ZNF831: variants seen among roughly 807,000 people sequenced by gnomAD.
The protein encoded by ZNF831 is chromosome 20 open reading frame 174.
ZNF831 carries 59 observed loss-of-function variants against 95.8 expected under a neutral mutation model. The ratio of observed to expected loss-of-function variants is 0.62; its 90% CI spans 0.50 to 0.77. The LOEUF (loss-of-function observed/expected upper bound fraction) is 0.77. Ranked by LOEUF, ZNF831 falls within the 30% of genes least tolerant of loss-of-function variation. ZNF831 has a pLI of 0.00. For missense variants in ZNF831, 2,205 were observed against 2,164.0 expected (o/e 1.02, Z -0.38); for synonymous variants, 961 against 925.5 (o/e 1.04, Z -0.70).
In ZNF831 at chr20:59,240,797, G is replaced by A. The variant is rs987467779; in HGVS notation, c.4028-12181G>A. Among the ~76,000 whole-genome samples, 11 of 152,040 alleles carry A rather than the reference G, an allele frequency of 7.2e-5. No individual in the cohort carries two copies. The South Asian group carries it at 8.3e-4, about 11-fold the overall frequency. ...AGCCTGGGCGACAGAGCGAGCCTCC[G>A]TCTCAAAAAATAAATAAATAAATAA... On this transcript the variant is annotated intron_variant, in intron 4 of 5. Transcript: ENST00000371030.
At chr20:59,143,155 T>C (rs191502272) in intron 1 of ZNF831, among the ~76,000 whole-genome samples, 31 of 152,298 alleles carry the variant, frequency 2.0e-4, no homozygotes, top group Non-Finnish European at 4.3e-4. Context: ...CACCTTGGCC[T>C]CCCAAAGTGC....
intron 3 of ZNF831, among the ~76,000 whole-genome samples, chr20:59,201,511 G>A (rs768404104): frequency 3.3e-5 from 5 of 151,876 alleles, no homozygotes; most frequent in Admixed American, 6.6e-5. Flanking sequence ...TTTTTGTTAT[G>A]TTTTTAGTGT....
chr20:59,139,674 G>A (rs1464508432), intron 1 of ZNF831, among the ~76,000 whole-genome samples: 1 of 152,184 alleles, frequency 6.6e-6, no homozygotes, highest in Non-Finnish European at 1.5e-5. Flanking sequence ...GAGGACTGGA[G>A]CAAGTCAAAT....
chr20:59,234,902 T>G (rs1986916755), intron 4 of ZNF831, among the ~76,000 whole-genome samples: 1 of 152,230 alleles, frequency 6.6e-6, no homozygotes, highest in Non-Finnish European at 1.5e-5. Flanking sequence ...TTTTTACAAT[T>G]AATGACCCAT....
rs1163997065 is a variant in ZNF831 at position 59,153,744 on chromosome 20, G to A, written c.-1280-5908G>A. On this transcript the variant is annotated intron_variant, in intron 2 of 7. Transcript: ENST00000637017. The stretch of plus-strand genomic sequence containing the variant: ...AATTACTGTCCTGCTACTTTGTACT[G>A]TAGCAAACTCTTTGAAAAAGCCACA... Among the ~76,000 whole-genome samples, 3 of 152,244 alleles carry A rather than the reference G, an allele frequency of 2.0e-5. No individual in the cohort carries two copies. In the East Asian group the frequency reaches 5.8e-4, roughly 29 times the overall value.
chr20:59,254,302 C>G lies in ZNF831; in HGVS notation c.4593C>G (p.Ser1531Arg), dbSNP rs2146767500. The change falls in exon 6 of 6, where the codon AGC (serine) becomes AGG (arginine). Residue 1531 changes from serine to arginine, a missense_variant. Transcript: ENST00000371030. This position sits in a 1 kb window ranked among gnomAD's most constrained non-coding sequence, Gnocchi z 4.5. ...GRTLTSSSPD[S>R]KVTEEGRAQT... is the part of the protein sequence containing the mutation. ...CTCTGACATCAAGCTCCCCAGACAG[C>G]AAAGTCACAGAAGAGGGCAGAGCAC... The G allele has an allele frequency of 6.2e-7, 1 of 1,614,074 alleles. No individual in the cohort carries two copies. The highest frequency in any genetic ancestry group is 8.5e-7 in the Non-Finnish European group (1 of 1,179,996).
intron 4 of ZNF831, among the ~76,000 whole-genome samples, chr20:59,229,395 A>G (rs1261876889): frequency 6.6e-6 from 1 of 152,188 alleles, no homozygotes; most frequent in Non-Finnish European, 1.5e-5. Flanking sequence ...CTGCTGGCCA[A>G]GGAGAGTCAC....
Position 59,193,716 on chromosome 20 carries a change from A to G in ZNF831, c.2697A>G (p.Pro899=), listed in dbSNP as rs2146588108. Residue 899 remains proline (P), a synonymous_variant, in exon 2 of 6, where the codon CCA becomes CCG. Transcript: ENST00000371030. ...CTGTTGCCCTGAAGAGGGTGGGGCC[A>G]AGGGACAAGGCTACCCCACTGCATC... The part of the protein sequence containing the change: ...AASVALKRVG[P]RDKATPLHPA... 1 of 1,612,278 alleles carries G rather than the reference A, an allele frequency of 6.2e-7. No individual in the cohort carries two copies. The highest frequency in any genetic ancestry group is 8.5e-7 in the Non-Finnish European group (1 of 1,179,276).
chr20:59,177,599 T>C (rs186117894), intron 1 of ZNF831, among the ~76,000 whole-genome samples: 2 of 152,256 alleles, frequency 1.3e-5, no homozygotes, highest in East Asian at 3.9e-4. Context: ...TGAAAGAGCT[T>C]GTGTTATGGA....
chr20:59,219,801 A>G (rs1985957443), intron 4 of ZNF831, among the ~76,000 whole-genome samples: 2 of 152,210 alleles, frequency 1.3e-5, no homozygotes, highest in African/African-American at 2.4e-5. Flanking sequence ...TTCCCTTAGC[A>G]ATCACTAATA....
chr20:59,129,818 C>T (rs891466862), intron 1 of ZNF831, among the ~76,000 whole-genome samples: 1 of 152,228 alleles, frequency 6.6e-6, no homozygotes, highest in Non-Finnish European at 1.5e-5. Context: ...TTTCATTTCA[C>T]TCAGCACAAA....
rs1568805095 is a variant in ZNF831, at chr20:59,257,611, T to G, written c.*2868T>G. ...TGATAACTACCACAGTTTTATACTC[T>G]GCAAGTGTGTACTGCATGATGGTTA... On this transcript the variant is annotated 3_prime_UTR_variant, in exon 6 of 6. Coordinates refer to ENST00000371030, the MANE Select transcript of ZNF831 (RefSeq NM_178457.3). 1 of 152,244 alleles carries G rather than the reference T, an allele frequency of 6.6e-6. No homozygotes were observed. The highest frequency in any genetic ancestry group is 1.5e-5 in the Non-Finnish European group (1 of 68,034). The allele number at this position is 152,244 out of a possible 1,614,324, so 9.4% of individuals were successfully genotyped here.
chr20:59,166,270 A>G (rs1029406612), intron 1 of ZNF831, among the ~76,000 whole-genome samples: 1 of 152,200 alleles, frequency 6.6e-6, no homozygotes, highest in South Asian at 2.1e-4. Flanking sequence ...TTCTAGATAC[A>G]CTATGGATGC....
chr20:59,190,929 A>G, intron 1 of ZNF831, 55 bp from the exon 2 acceptor site: 2 of 1,421,102 alleles, frequency 1.4e-6, no homozygotes, highest in Non-Finnish European at 1.8e-6. Context: ...GGCAAGATTT[A>G]CTGCATGAGG....
Position 59,194,174 on chromosome 20 carries a change from C to T in ZNF831, c.3155C>T (p.Thr1052Ile). 1.3e-6 allele frequency: 2 copies of T among 1,590,332 alleles called. No homozygotes were observed. The highest frequency in any genetic ancestry group is 1.7e-6 in the Non-Finnish European group (2 of 1,166,862). Reference sequence around the variant, plus strand: ...GCACCAGGGGCTCCCAGGGAGGCTACCTCCTCCCCGCCCACTCCAACGTGT... The same window carrying T: ...GCACCAGGGGCTCCCAGGGAGGCTATCTCCTCCCCGCCCACTCCAACGTGT... Reference protein sequence around the residue: ...ISAPGAPREATSSPPTPTCEA... With the variant: ...ISAPGAPREAISSPPTPTCEA... The change falls in exon 2 of 6, where the codon ACC (threonine) becomes ATC (isoleucine). Residue 1052 changes from threonine (T) to isoleucine (I), a missense_variant. Thr to Ile is a moderately conservative substitution (Grantham distance 89, BLOSUM62 -1). Coordinates refer to ENST00000371030, the MANE Select transcript of ZNF831 (RefSeq NM_178457.3).
intron 3 of ZNF831, among the ~76,000 whole-genome samples, chr20:59,205,312 A>G (rs1984815398): frequency 6.6e-6 from 1 of 151,972 alleles, no homozygotes; most frequent in Non-Finnish European, 1.5e-5. Flanking sequence ...GTCGCTCCCC[A>G]CCCTGGCTCA....
At chr20:59,181,678 A>G (rs1369546783) in intron 1 of ZNF831, among the ~76,000 whole-genome samples, 1 of 151,948 alleles carries the variant, frequency 6.6e-6, no homozygotes, top group African/African-American at 2.4e-5. Context: ...AGATGGTTGT[A>G]GATGTGTGGT....
chr20:59,149,491 C>T (rs192249384), intron 2 of ZNF831, among the ~76,000 whole-genome samples: 4 of 152,294 alleles, frequency 2.6e-5, no homozygotes, highest in African/African-American at 9.6e-5. Flanking sequence ...TTACTTTTTG[C>T]ATTGTATCTT....
chr20:59,194,731 G>C lies in ZNF831; in HGVS notation c.3712G>C (p.Glu1238Gln), dbSNP rs1406122360. The C allele has an allele frequency of 6.3e-7, 1 of 1,580,862 alleles. No individual in the cohort carries two copies. Among genetic ancestry groups the C allele is most frequent in the Non-Finnish European group, 8.6e-7 (1 of 1,165,480 alleles). Reference sequence around the variant, plus strand: ...AGGATGGACCTGGACAAGCCCTGGAGAAGGAGGGCCGGCGCAGATGTCCAA... The same window carrying C: ...AGGATGGACCTGGACAAGCCCTGGACAAGGAGGGCCGGCGCAGATGTCCAA... ...NGGWTWTSPGEGGPAQMSKFS... is the reference protein window; with the variant it reads ...NGGWTWTSPGQGGPAQMSKFS... Residue 1238 changes from glutamate (E) to glutamine (Q), a missense_variant, in exon 2 of 6, where the codon GAA (glutamate) becomes CAA (glutamine). By Grantham distance (29) the Glu-to-Gln change is conservative. Transcript: ENST00000371030.
Sources: gnomAD v4.1 joint callset for allele counts (sites outside exome capture counted in the v4.1 genomes callset) on GRCh38, gnomAD v4.1.1 for gene constraint, Gnocchi (gnomAD v3.1) non-coding constraint, MANE v1.5 for transcripts, NCBI Gene and HGNC (gene_info 2026-07-23, HGNC 2026-07-21) for gene names.